TMEM245: variants seen among roughly 807,000 people sequenced by gnomAD.
TMEM245 encodes the protein transmembrane protein 245, also known as protein CG-2.
TMEM245 carries 69 observed loss-of-function variants against 101.2 expected under a neutral mutation model. That is an observed-to-expected ratio of 0.68 (90% CI 0.56 to 0.83). The LOEUF (loss-of-function observed/expected upper bound fraction) is 0.83, where lower values mean the gene tolerates loss of function less well. Ranked by LOEUF, TMEM245 falls within the 40% of genes least tolerant of loss-of-function variation. The probability of loss-of-function intolerance (pLI) is 0.00; values close to 1 mark genes in which losing one functional copy is unlikely to be tolerated. For synonymous variants in TMEM245, 537 were observed against 449.8 expected (o/e 1.19, Z -2.45); for missense variants, 1,075 against 1,092.8 (o/e 0.98, Z 0.23).
chr9:109,038,642 G>A (rs1828210945), intron 14 of TMEM245: 1 of 152,176 alleles, frequency 6.6e-6, no homozygotes, highest in African/African-American at 2.4e-5. Flanking sequence ...ATGTAACTAA[G>A]CCTACAAAGT....
intron 11 of TMEM245, among the ~76,000 whole-genome samples, chr9:109,058,914 T>C (rs184367540): frequency 7.2e-5 from 11 of 152,254 alleles, no homozygotes; most frequent in Admixed American, 1.3e-4. Context: ...ACAACAAATA[T>C]GCCAATTTTG....
chr9:109,078,412 G>A (rs1829578092), intron 8 of TMEM245, among the ~76,000 whole-genome samples: 1 of 152,164 alleles, frequency 6.6e-6, no homozygotes, highest in Non-Finnish European at 1.5e-5. Context: ...AAGGAGCTCT[G>A]TTAGCATTCC....
chr9:109,080,912 T>C lies in TMEM245; in HGVS notation c.1376A>G (p.Lys459Arg), dbSNP rs1437934482. Residue 459 changes from lysine to arginine, a missense_variant, in exon 8 of 18, where the codon AAA becomes AGA. Physicochemically the swap from Lys to Arg is conservative, Grantham distance 26. Around this residue, in one of 2 missense-constraint regions of TMEM245, gnomAD observed 808 missense variants for 741.5 expected, o/e 1.09. Coordinates refer to ENST00000374586, the MANE Select transcript of TMEM245 (RefSeq NM_032012.4). ...AAATATGATGAAAATGCTAATTATT[T>C]TATCTAACATCTTCTCCAACCAGAT... ...MIIWLEKMLD[K>R]IISIFIIFLL... 1 of 1,609,132 alleles carries C rather than the reference T, an allele frequency of 6.2e-7. No individual in the cohort carries two copies. The highest frequency in any genetic ancestry group is 8.5e-7 in the Non-Finnish European group (1 of 1,176,424).
intron 17 of TMEM245, among the ~76,000 whole-genome samples, chr9:109,024,048 C>A (rs1827721796): frequency 6.6e-6 from 1 of 152,186 alleles, no homozygotes; most frequent in East Asian, 1.9e-4. Context: ...CATTTCACCC[C>A]CTACCCTCTT....
chr9:109,100,780 G>C (rs541422655), intron 3 of TMEM245, among the ~76,000 whole-genome samples: 1 of 152,282 alleles, frequency 6.6e-6, no homozygotes, highest in East Asian at 1.9e-4. Flanking sequence ...TTATTTGTTT[G>C]AGTTCTGTTT....
At chr9:109,115,057 T>C (rs1048600409) in intron 1 of TMEM245, among the ~76,000 whole-genome samples, 2 of 152,046 alleles carry the variant, frequency 1.3e-5, no homozygotes, top group African/African-American at 4.8e-5. Context: ...AAGAAAAACA[T>C]AGGTCCAGGC....
In TMEM245 at chr9:109,038,066, G is replaced by A; in HGVS notation, c.2175C>T (p.Thr725=). 6.2e-7 allele frequency: 1 copy of A among 1,613,226 alleles called. No individual in the cohort carries two copies. Among genetic ancestry groups the A allele is most frequent in the Non-Finnish European group, 8.5e-7 (1 of 1,179,614 alleles). Residue 725 remains threonine, a synonymous_variant, in exon 15 of 18, where the codon ACC becomes ACT. Transcript: ENST00000374586. The stretch of plus-strand genomic sequence containing the variant: ...TGCCAAACATAGTATGAGTCAGCCA[G>A]GTATACAATCCATAGAAGCCAGCCA... The part of the protein sequence containing the change: ...LKMAGFYGLY[T]WLTHTMFGIN...
At chr9:109,060,888 C>T (rs933840818) in intron 10 of TMEM245, among the ~76,000 whole-genome samples, 2 of 152,158 alleles carry the variant, frequency 1.3e-5, no homozygotes, top group African/African-American at 4.8e-5. Context: ...AAACACGAAT[C>T]CTTCCTCTAT....
chr9:109,063,676 T>C (rs1220093146), intron 10 of TMEM245, among the ~76,000 whole-genome samples: 1 of 152,176 alleles, frequency 6.6e-6, no homozygotes, highest in Non-Finnish European at 1.5e-5. Context: ...TCCTTAACTG[T>C]GCTGCCTTTC....
chr9:109,017,294 C>G lies in TMEM245; in HGVS notation c.*3166G>C, dbSNP rs555449596. On this transcript the variant is annotated 3_prime_UTR_variant, in exon 18 of 18. Transcript: ENST00000374586. ...TCCCACTGTCATGGGCCAACCCACA[C>G]TAGACTCAGAAGTCAAGGGAAAGCT... 5.3e-5 allele frequency: 8 copies of G among 152,352 alleles called. No homozygotes were observed. The highest frequency in any genetic ancestry group is 1.9e-4 in the African/African-American group (8 of 41,588). The allele number at this position is 152,352 out of a possible 1,614,324, so 9.4% of individuals were successfully genotyped here.
intron 14 of TMEM245, among the ~76,000 whole-genome samples, chr9:109,043,816 G>C (rs1828391529): frequency 6.6e-6 from 1 of 152,130 alleles, no homozygotes; most frequent in Admixed American, 6.5e-5. Flanking sequence ...TTATAGAGCA[G>C]GATTCCTGTC....
intron 1 of TMEM245, among the ~76,000 whole-genome samples, chr9:109,112,248 A>G (rs986202828): frequency 6.6e-6 from 1 of 152,214 alleles, no homozygotes; most frequent in African/African-American, 2.4e-5. Context: ...GCAGTATTAA[A>G]AAGAAAAAAG....
At chr9:109,104,471 C>G (rs760701858) in intron 3 of TMEM245, among the ~76,000 whole-genome samples, 3 of 152,110 alleles carry the variant, frequency 2.0e-5, no homozygotes, top group African/African-American at 4.8e-5. Context: ...TGCTCCCCCC[C>G]GCCCACAAGT....
intron 17 of TMEM245, among the ~76,000 whole-genome samples, chr9:109,024,243 G>A (rs1028858254): frequency 2.0e-5 from 3 of 152,172 alleles, no homozygotes; most frequent in Non-Finnish European, 2.9e-5. Flanking sequence ...ATACAATCCT[G>A]TGACAGAGCA....
chr9:109,098,824 AAATCCAAAC>A (rs1440025292), intron 3 of TMEM245, among the ~76,000 whole-genome samples: 1 of 152,210 alleles, frequency 6.6e-6, no homozygotes, highest in African/African-American at 2.4e-5. Context: ...GGATCTACAC[AAATCCAAAC>A]AAGCATGCTA....
intron 5 of TMEM245, among the ~76,000 whole-genome samples, chr9:109,087,743 C>T (rs2132552087): frequency 6.6e-6 from 1 of 152,280 alleles, no homozygotes; most frequent in South Asian, 2.1e-4. Context: ...TATAGCTGTT[C>T]TTGTCAAATA....
rs1252575956 is a variant in TMEM245, at chr9:109,091,263, A to C, written c.917-108T>G. 8 of 933,318 alleles carry C rather than the reference A, an allele frequency of 8.6e-6. No homozygotes were observed. In the East Asian group the frequency reaches 2.1e-4, roughly 25 times the overall value. 57.8% of individuals were successfully genotyped at this position (933,318 alleles called of 1,614,324 possible). ...TGTTTCAGGCCTTCAAAATGTGCTG[A>C]TATGGTATGATTACATCGGGTTAAA... is the stretch of plus-strand genomic sequence containing the variant. On this transcript the variant is annotated intron_variant, in intron 4 of 17. Coordinates refer to ENST00000374586, the MANE Select transcript of TMEM245 (RefSeq NM_032012.4).
intron 3 of TMEM245, among the ~76,000 whole-genome samples, chr9:109,094,287 A>G (rs1454330282): frequency 4.6e-5 from 7 of 152,242 alleles, no homozygotes; most frequent in African/African-American, 7.2e-5. Context: ...AATAGCTCAC[A>G]TAGCATCGGG....
chr9:109,089,939 G>A (rs896413485), intron 5 of TMEM245, among the ~76,000 whole-genome samples: 6 of 152,100 alleles, frequency 3.9e-5, no homozygotes, highest in Non-Finnish European at 5.9e-5. Flanking sequence ...AAGGTAAAAC[G>A]TGCTTCCCTA....
Sources: gnomAD v4.1 joint callset for allele counts (sites outside exome capture counted in the v4.1 genomes callset) on GRCh38, gnomAD v4.1.1 for gene constraint, gnomAD v4.1.1 regional missense constraint, MANE v1.5 for transcripts, NCBI Gene and HGNC (gene_info 2026-07-23, HGNC 2026-07-21) for gene names.